USP48: variants seen among roughly 807,000 people sequenced by gnomAD.
The protein encoded by USP48 is ubiquitin carboxyl-terminal hydrolase 48.
A neutral mutation model predicts 150.7 loss-of-function variants in USP48; 43 were observed. That is an observed-to-expected ratio of 0.29 (90% CI 0.22 to 0.37). USP48 has a LOEUF of 0.37. USP48 is among the 10% of genes least tolerant of loss of function. USP48 has a pLI of 1.00. For missense variants in USP48, 813 were observed against 1,249.6 expected (o/e 0.65, Z 5.27); for synonymous variants, 396 against 425.9 (o/e 0.93, Z 0.86).
chr1:21,736,257 G>A (rs1011973365), intron 9 of USP48, among the ~76,000 whole-genome samples, 189 bp downstream of exon 9: 1 of 152,168 alleles, frequency 6.6e-6, no homozygotes, highest in Non-Finnish European at 1.5e-5. Context: ...GGGCAAGAGA[G>A]TAAGAACCGG....
At chr1:21,750,724 C>A (rs569371645) in intron 6 of USP48, among the ~76,000 whole-genome samples, 11,519 of 151,448 alleles carry the variant, frequency 0.076, 487 homozygotes, top group Middle Eastern at 0.11. Flanking sequence ...AATACACACA[C>A]AAAAAAAATT....
intron 11 of USP48, chr1:21,728,050 A>T: frequency 1.0e-6 from 1 of 985,546 alleles, no homozygotes; most frequent in Non-Finnish European, 1.2e-6. Flanking sequence ...GAAAAGGGAT[A>T]AGCTGGATTA....
intron 22 of USP48, 75 bp downstream of exon 22, chr1:21,701,423 T>C (rs2097656600): frequency 4.0e-6 from 5 of 1,255,562 alleles, no homozygotes; most frequent in Non-Finnish European, 4.6e-6. Flanking sequence ...TACAGAGACA[T>C]GGCCAGGGGC....
intron 6 of USP48, among the ~76,000 whole-genome samples, chr1:21,750,505 C>T (rs955659743): frequency 3.3e-5 from 5 of 152,250 alleles, no homozygotes; most frequent in East Asian, 1.9e-4. Context: ...CTTGTGCCTA[C>T]ACCACTACTT....
intron 15 of USP48, 54 bp downstream of exon 15, chr1:21,715,334 GC>G (rs780797709): frequency 7.1e-7 from 1 of 1,410,114 alleles, no homozygotes; most frequent in Non-Finnish European, 9.8e-7. Flanking sequence ...GGCAGTAGAA[GC>G]TAAAAGTAAA....
chr1:21,715,309 C>T lies in USP48; in HGVS notation c.1963+80G>A, dbSNP rs2097701276. 5.5e-6 allele frequency: 6 copies of T among 1,100,516 alleles called. No homozygotes were observed. The East Asian group carries it at 1.3e-4, about 24-fold the overall frequency. The allele number at this position is 1,100,516 out of a possible 1,614,324, so 68.2% of individuals were successfully genotyped here. ...TTTCCCAGGTAAGATGTGAGAGATA[C>T]TGGCATGAAAGCCAGGCAGTAGAAG... On this transcript the variant is annotated intron_variant, in intron 15 of 26. Transcript: ENST00000308271.
rs143687212 is a variant in USP48 at position 21,767,039 on chromosome 1, G to A, written c.135-9256C>T. On this transcript the variant is annotated intron_variant, in intron 1 of 26. Coordinates refer to ENST00000308271, the MANE Select transcript of USP48 (RefSeq NM_032236.8). ...AGATCATGCCATTGTACTCCAGCCT[G>A]GGTGACAGAGCAAGACTCTGCCTCA... Among the ~76,000 whole-genome samples, 1,340 of 152,172 alleles carry A rather than the reference G, an allele frequency of 8.8e-3. 10 individuals are homozygous for A. The highest frequency in any genetic ancestry group is 0.014 in the Non-Finnish European group (944 of 68,010).
intron 23 of USP48, among the ~76,000 whole-genome samples, chr1:21,694,572 C>CAAAAAAAAAAAAAAAAAAAA (rs1204062748): frequency 5.0e-4 from 6 of 12,022 alleles, no homozygotes; most frequent in African/African-American, 2.8e-3. Flanking sequence ...TCTGTCTCAC[C>CAAAAAAAAAAAAAAAAAAAA]AAAAAAAAAA....
intron 1 of USP48, among the ~76,000 whole-genome samples, chr1:21,764,009 T>TA (rs1278998821): frequency 6.6e-6 from 1 of 152,212 alleles, no homozygotes; most frequent in Non-Finnish European, 1.5e-5. Flanking sequence ...TTATCCCTCC[T>TA]TAGGAGTAGG....
chr1:21,709,672 T>C (rs2097685114), intron 15 of USP48, among the ~76,000 whole-genome samples: 1 of 152,136 alleles, frequency 6.6e-6, no homozygotes. Context: ...ACACAAACTT[T>C]ACTATTAAAT....
At position 21,706,123 on chromosome 1, in the gene USP48, T is replaced by C. The variant is rs754523623; in HGVS notation, c.2273+3A>G. The stretch of plus-strand genomic sequence containing the variant: ...AAGGAAATAAAACATATTTTGTTTC[T>C]ACCTAACAAATTTCCGCCACTCTTC... On this transcript the variant is annotated splice_donor_region_variant and intron_variant, in intron 18 of 26. Coordinates refer to ENST00000308271, the MANE Select transcript of USP48 (RefSeq NM_032236.8). The C allele has an allele frequency of 1.9e-6, 3 of 1,613,416 alleles. No homozygotes were observed. The highest frequency in any genetic ancestry group is 2.5e-6 in the Non-Finnish European group (3 of 1,179,580).
chr1:21,728,481 G>A (rs2097746012), intron 11 of USP48, 89 bp downstream of exon 11: 1 of 1,517,792 alleles, frequency 6.6e-7, no homozygotes, highest in African/African-American at 1.4e-5. Context: ...GAAAGAGTAA[G>A]TTTGAGAAAG....
Position 21,678,458 on chromosome 1 carries a change from C to A in USP48, c.*959G>T, listed in dbSNP as rs931366106. The A allele has an allele frequency of 6.6e-6, 1 of 151,992 alleles. No individual in the cohort carries two copies. Among genetic ancestry groups the A allele is most frequent in the African/African-American group, 2.4e-5 (1 of 41,352 alleles). 9.4% of individuals were successfully genotyped at this position (151,992 alleles called of 1,614,324 possible). On this transcript the variant is annotated 3_prime_UTR_variant, in exon 27 of 27. Coordinates refer to ENST00000308271, the MANE Select transcript of USP48 (RefSeq NM_032236.8). Reference sequence around the variant, plus strand: ...CTTTTTTAAACAATGATCTAAGAGACCCTCTCAGGGCATTTTGGAATAATG... The same window carrying A: ...CTTTTTTAAACAATGATCTAAGAGAACCTCTCAGGGCATTTTGGAATAATG...
At chr1:21,708,004 A>C (rs982425854) in intron 15 of USP48, among the ~76,000 whole-genome samples, 5 of 151,930 alleles carry the variant, frequency 3.3e-5, no homozygotes, top group Admixed American at 6.6e-5. Flanking sequence ...TCTACTAAAA[A>C]TACCAACATC....
intron 23 of USP48, among the ~76,000 whole-genome samples, chr1:21,694,583 A>AAC (rs1438503933): frequency 1.7e-5 from 2 of 120,290 alleles, no homozygotes; most frequent in Non-Finnish European, 3.6e-5. Flanking sequence ...AAAAAAAAAA[A>AAC]AAAAAAAAAA....
chr1:21,689,967 T>A lies in USP48; in HGVS notation c.3009+7A>T. 1 of 1,613,862 alleles carries A rather than the reference T, an allele frequency of 6.2e-7. No individual in the cohort carries two copies. The highest frequency in any genetic ancestry group is 1.3e-5 in the African/African-American group (1 of 75,028). Reference sequence around the variant, plus strand: ...TGAGTTCTTCAGCTAAGGAGCTGTTTACTTACCTTCAATAAAATGACAGAT... The same window carrying A: ...TGAGTTCTTCAGCTAAGGAGCTGTTAACTTACCTTCAATAAAATGACAGAT... On this transcript the variant is annotated splice_region_variant and intron_variant, in intron 24 of 26. Transcript: ENST00000308271.
At chr1:21,698,788 G>A (rs1246632039) in intron 22 of USP48, among the ~76,000 whole-genome samples, 1 of 151,902 alleles carries the variant, frequency 6.6e-6, no homozygotes, top group Non-Finnish European at 1.5e-5. Context: ...CCCGTTACTG[G>A]GGAGCCTGAG....
rs758287298 is a variant in USP48, at chr1:21,751,632, C to T, written c.666-17G>A. On this transcript the variant is annotated splice_polypyrimidine_tract_variant and intron_variant, in intron 5 of 26. Transcript: ENST00000308271. ...TGGTTGCAACTATAATAAAACAGAA[C>T]GACAAAATTCAGATCAGAGTGTGAA... 45 of 1,591,014 alleles carry T rather than the reference C, an allele frequency of 2.8e-5. No homozygotes were observed. The highest frequency in any genetic ancestry group is 2.5e-4 in the East Asian group (11 of 44,708).
At chr1:21,718,011 G>T (rs333184) in intron 14 of USP48, among the ~76,000 whole-genome samples, 2 of 152,238 alleles carry the variant, frequency 1.3e-5, no homozygotes. Context: ...CAAAAATGAA[G>T]CCCCTAATAT....
Sources: allele counts gnomAD v4.1 joint callset (sites outside exome capture counted in the v4.1 genomes callset), GRCh38; gene constraint gnomAD v4.1.1; transcripts MANE v1.5; gene names NCBI Gene and HGNC (gene_info 2026-07-23, HGNC 2026-07-21).